The following HAUS7 variants were observed in gnomAD, a reference collection of about 807,000 sequenced individuals.
The protein encoded by HAUS7 is HAUS augmin like complex subunit 7.
HAUS7 carries 3 observed loss-of-function variants against 28.4 expected under a neutral mutation model. That is an observed-to-expected ratio of 0.11 (90% CI 0.05 to 0.27). The LOEUF is 0.27. Ranked by LOEUF, HAUS7 falls within the 10% of genes least tolerant of loss-of-function variation. The pLI, the probability that HAUS7 is intolerant of heterozygous loss-of-function variation, is 1.00. For missense variants in HAUS7, 284 were observed against 297.3 expected, an observed-to-expected ratio of 0.96 and a Z score of 0.33; for synonymous variants, 165 against 132.1, an observed-to-expected ratio of 1.25 and a Z score of -1.71.
At chrX:153,491,799 C>T (rs1556989653) in intron 1 of HAUS7, among the ~76,000 whole-genome samples, 2 of 113,089 alleles carry the variant, frequency 1.8e-5, no homozygotes, top group African/African-American at 6.4e-5. Flanking sequence ...GGGTTGGGCT[C>T]CTTGTCAGGT....
chrX:153,453,737 G>A (rs1472346695), intron 9 of HAUS7, among the ~76,000 whole-genome samples: 1 of 111,014 alleles, frequency 9.0e-6, no homozygotes, highest in Non-Finnish European at 1.9e-5. Flanking sequence ...CGAGGAAACT[G>A]GATCCCCACC....
In HAUS7 at chrX:153,493,273, C is replaced by T. The variant is rs183554354; in HGVS notation, c.-589+2101G>A. ...CAAATGAATGGAACCAGAGGCTCTGCGGCCTTTTGCGACTGGCTGCTGTCA... is the reference window on the plus strand; with the variant it reads ...CAAATGAATGGAACCAGAGGCTCTGTGGCCTTTTGCGACTGGCTGCTGTCA... On this transcript the variant is annotated intron_variant, in intron 1 of 5. Transcript: ENST00000370210. Among the ~76,000 whole-genome samples the T allele has an allele frequency of 4.1e-3, 457 of 112,302 alleles. 8 individuals are homozygous for T. Among genetic ancestry groups the T allele is most frequent in the Admixed American group, 0.034 (359 of 10,591 alleles).
intron 9 of HAUS7, among the ~76,000 whole-genome samples, chrX:153,449,190 T>C (rs2124049393): frequency 8.9e-6 from 1 of 112,182 alleles, no homozygotes; most frequent in Non-Finnish European, 1.9e-5. Context: ...GGCCCCACTG[T>C]CAGCTAGACT....
intron 1 of HAUS7, among the ~76,000 whole-genome samples, chrX:153,489,265 A>C (rs1436552501): frequency 1.8e-5 from 2 of 112,002 alleles, no homozygotes; most frequent in East Asian, 5.6e-4. Context: ...CCACGAGGGA[A>C]TCTCTAGACA....
upstream of HAUS7, among the ~76,000 whole-genome samples, chrX:153,471,748 G>A (rs2089525791): frequency 8.9e-6 from 1 of 112,124 alleles, no homozygotes; most frequent in South Asian, 3.7e-4. Context: ...TCATCCAAGT[G>A]ACAGGAGGGG....
upstream of HAUS7, among the ~76,000 whole-genome samples, chrX:153,474,030 G>A (rs2089546013): frequency 8.9e-6 from 1 of 112,377 alleles, no homozygotes; most frequent in African/African-American, 3.2e-5. Flanking sequence ...CGAAAGCAGG[G>A]GTGGGGGCCT....
chrX:153,482,641 A>G, intron 1 of HAUS7: 1 of 728,951 alleles, frequency 1.4e-6, no homozygotes, highest in Non-Finnish European at 1.6e-6. Context: ...CCTGGCCTCT[A>G]GGGGCAGGCA....
chrX:153,451,002 G>A (rs1402402387), intron 9 of HAUS7, among the ~76,000 whole-genome samples: 1 of 112,293 alleles, frequency 8.9e-6, no homozygotes, highest in Admixed American at 9.4e-5. Flanking sequence ...ACATCAGGAT[G>A]CTGAACTGAT....
At chrX:153,486,844 G>A (rs1556988704) in intron 1 of HAUS7, 17 of 967,894 alleles carry the variant, frequency 1.8e-5, no homozygotes, top group Non-Finnish European at 2.1e-5. Flanking sequence ...CACACACTCT[G>A]CTTCTCGAGG....
At chrX:153,481,450 C>T (rs1421664677) in intron 1 of HAUS7, 9 of 754,121 alleles carry the variant, frequency 1.2e-5, no homozygotes, top group South Asian at 6.8e-5. Context: ...CTCCAAGACC[C>T]CAGGCCATGG....
At chrX:153,463,008 C>T in intron 3 of HAUS7, 3 of 405,079 alleles carry the variant, frequency 7.4e-6, no homozygotes, top group South Asian at 2.6e-5. Context: ...TCTCCAAGAC[C>T]TCACAAGGCC....
chrX:153,464,921 G>A (rs1307018250), intron 3 of HAUS7, 67 bp downstream of exon 3: 2 of 760,432 alleles, frequency 2.6e-6, no homozygotes, highest in African/African-American at 4.1e-5. Context: ...TTGGTCCAAT[G>A]GAACATGCAC....
intron 1 of HAUS7, among the ~76,000 whole-genome samples, chrX:153,489,688 T>G (rs1556989243): frequency 2.7e-5 from 3 of 112,357 alleles, no homozygotes; most frequent in Non-Finnish European, 1.9e-5. Context: ...TGGGCCTGTG[T>G]CTCCGGCCTG....
chrX:153,480,695 G>A (rs1556987144), intron 1 of HAUS7: 1 of 753,464 alleles, frequency 1.3e-6, no homozygotes, highest in African/African-American at 2.3e-5. Context: ...CCCCCACCCA[G>A]TCCCCCTCCA....
chrX:153,487,820 C>T (rs1017474934), intron 1 of HAUS7, among the ~76,000 whole-genome samples: 1 of 112,618 alleles, frequency 8.9e-6, no homozygotes, highest in Admixed American at 9.3e-5. Context: ...TCAGCCCTGC[C>T]GAGCCCTGAA....
In HAUS7 at chrX:153,466,224, C is replaced by T. The variant is rs1161691966; in HGVS notation, c.225-1169G>A. On this transcript the variant is annotated intron_variant, in intron 2 of 9. Coordinates refer to ENST00000370211, the MANE Select transcript of HAUS7 (RefSeq NM_001385482.1). Reference sequence around the variant, plus strand: ...GGCTGGGCTCTGCCAGCGGGGTTGCCGAGAACATCTCTGAGCACAAGGCTC... The same window carrying T: ...GGCTGGGCTCTGCCAGCGGGGTTGCTGAGAACATCTCTGAGCACAAGGCTC... Among the ~76,000 whole-genome samples, 5 of 112,641 alleles carry T rather than the reference C, an allele frequency of 4.4e-5. No individual in the cohort carries two copies. The South Asian group carries it at 1.1e-3, about 25-fold the overall frequency.
Position 153,454,699 on chromosome X carries a change from G to A in HAUS7, c.931-191C>T, listed in dbSNP as rs143101778. 3,411 of 476,015 alleles carry A rather than the reference G, an allele frequency of 7.2e-3. 60 individuals carry two copies. The highest frequency in any genetic ancestry group is 0.07 in the African/African-American group (2,915 of 41,663). 39.2% of individuals were successfully genotyped at this position (476,015 alleles called of 1,213,427 possible). On this transcript the variant is annotated intron_variant, in intron 8 of 9. Coordinates refer to ENST00000370211, the MANE Select transcript of HAUS7 (RefSeq NM_001385482.1). ...GGGGAAGTCACCAATCAGAGTTCTC[G>A]GACCTAAGTCCCCTCTTCCTGGCCC... is the stretch of plus-strand genomic sequence containing the variant.
At position 153,493,588 on chromosome X, in the gene HAUS7, T is replaced by A. The variant is rs150131750; in HGVS notation, c.-589+1786A>T. ...CATGAAATCAAGAGAGAACCAGGGT[T>A]ACCAGCCTGGCCCCTGGTTTCCCAC... On this transcript the variant is annotated intron_variant, in intron 1 of 5. Transcript: ENST00000370210. 8.6e-3 allele frequency among the ~76,000 whole-genome samples: 969 copies of A among 112,408 alleles called. 9 individuals carry two copies. The highest frequency in any genetic ancestry group is 0.03 in the African/African-American group (922 of 30,982).
chrX:153,475,387 C>A (rs2089556382), upstream of HAUS7, among the ~76,000 whole-genome samples: 1 of 110,470 alleles, frequency 9.1e-6, no homozygotes, highest in South Asian at 3.9e-4. Context: ...TTCTTCTCCA[C>A]CCCCACCCCG....
Sources: gnomAD v4.1 joint callset for allele counts (sites outside exome capture counted in the v4.1 genomes callset) on GRCh38, gnomAD v4.1.1 for gene constraint, MANE v1.5 for transcripts, NCBI Gene and HGNC (gene_info 2026-07-23, HGNC 2026-07-21) for gene names.